RBMS3: variants seen among roughly 807,000 people sequenced by gnomAD.
RBMS3 encodes the protein RNA binding motif single stranded interacting protein 3.
Under a neutral mutation model 66.8 loss-of-function variants are expected in RBMS3, and 27 were observed. The ratio of observed to expected loss-of-function variants is 0.40; its 90% CI spans 0.30 to 0.56. The LOEUF is 0.56. Among genes scored for constraint, RBMS3 ranks in the 20% least tolerant of loss-of-function variants. The probability of loss-of-function intolerance (pLI) is 0.40; values close to 1 mark genes in which losing one functional copy is unlikely to be tolerated. For missense variants in RBMS3, 513 were observed against 549.5 expected (o/e 0.93, Z 0.66); for synonymous variants, 188 against 183.0 (o/e 1.03, Z -0.22).
chr3:29,728,374 C>T (rs1047262201), intron 4 of RBMS3, among the ~76,000 whole-genome samples: 6 of 152,046 alleles, frequency 3.9e-5, no homozygotes, highest in Admixed American at 6.6e-5. Flanking sequence ...AAAATAACAT[C>T]TAAAGAAAAA....
At chr3:29,649,429 C>A (rs1332082790) in intron 4 of RBMS3, among the ~76,000 whole-genome samples, 1 of 152,260 alleles carries the variant, frequency 6.6e-6, no homozygotes, top group Non-Finnish European at 1.5e-5. Context: ...CAAGCATATT[C>A]TTACTTTTTT....
intron 10 of RBMS3, among the ~76,000 whole-genome samples, chr3:29,912,514 A>G (rs1281334342): frequency 6.6e-6 from 1 of 152,084 alleles, no homozygotes; most frequent in East Asian, 1.9e-4. Flanking sequence ...ATAATGTAGT[A>G]TTCTAATTCC....
In RBMS3 at chr3:29,790,626, C is replaced by A. The variant is rs562273278; in HGVS notation, c.637+27637C>A. Among the ~76,000 whole-genome samples the A allele has an allele frequency of 4.6e-5, 7 of 152,252 alleles. No individual in the cohort carries two copies. The South Asian group carries it at 1.5e-3, about 32-fold the overall frequency. Reference sequence around the variant, plus strand: ...ATGACCCAGCCAATACTCCCTCCACCTTTCATTTCTCTGGTATTGTGACTT... The same window carrying A: ...ATGACCCAGCCAATACTCCCTCCACATTTCATTTCTCTGGTATTGTGACTT... On this transcript the variant is annotated intron_variant, in intron 6 of 14. Coordinates refer to ENST00000383767, the MANE Select transcript of RBMS3 (RefSeq NM_001003793.3).
At chr3:29,988,584 G>C (rs1055870207) in intron 13 of RBMS3, among the ~76,000 whole-genome samples, 13 of 151,948 alleles carry the variant, frequency 8.6e-5, no homozygotes, top group Non-Finnish European at 1.9e-4. Flanking sequence ...TCCTCAAAGA[G>C]TGGTTCCTAG....
At chr3:29,818,248 TCTA>T (rs1438303014) in intron 6 of RBMS3, among the ~76,000 whole-genome samples, 1 of 152,112 alleles carries the variant, frequency 6.6e-6, no homozygotes, top group East Asian at 1.9e-4. Context: ...ACTTTTCTCT[TCTA>T]CTGACAGTAT....
chr3:29,442,854 CT>C (rs2125741947), intron 2 of RBMS3, among the ~76,000 whole-genome samples: 1 of 152,092 alleles, frequency 6.6e-6, no homozygotes, highest in South Asian at 2.1e-4. Context: ...TTCCTCTTAC[CT>C]TTTGGAGATT....
intron 1 of RBMS3, among the ~76,000 whole-genome samples, chr3:29,373,229 C>A (rs1239976584): frequency 3.3e-5 from 5 of 152,158 alleles, no homozygotes; most frequent in Non-Finnish European, 5.9e-5. Context: ...ACCCACTGAT[C>A]ATGGGCAATC....
At chr3:29,598,039 G>GT (rs2048017331) in intron 4 of RBMS3, among the ~76,000 whole-genome samples, 2 of 152,010 alleles carry the variant, frequency 1.3e-5, no homozygotes, top group Non-Finnish European at 2.9e-5. Context: ...AATCATCACC[G>GT]TTAAAAAATA....
At chr3:29,595,397 T>TAAAAAAA (rs551487113) in intron 4 of RBMS3, among the ~76,000 whole-genome samples, 1 of 99,904 alleles carries the variant, frequency 1.0e-5, no homozygotes, top group African/African-American at 3.6e-5. Flanking sequence ...AGAGTCAGTC[T>TAAAAAAA]AAAAAAAAAA....
At chr3:29,311,787 TA>T (rs1340700819) in intron 1 of RBMS3, among the ~76,000 whole-genome samples, 1 of 151,684 alleles carries the variant, frequency 6.6e-6, no homozygotes, top group African/African-American at 2.4e-5. Context: ...TTTAGTGACC[TA>T]GGGGTGAAGG....
chr3:29,353,725 A>G (rs2037056808), intron 1 of RBMS3, among the ~76,000 whole-genome samples: 1 of 152,110 alleles, frequency 6.6e-6, no homozygotes. Context: ...TTAAAACAAC[A>G]TAATTAATTA....
intron 4 of RBMS3, among the ~76,000 whole-genome samples, chr3:29,655,985 C>A: frequency 6.6e-6 from 1 of 150,964 alleles, no homozygotes; most frequent in African/African-American, 2.4e-5. Context: ...TAGCAGAAAG[C>A]TTATAGAATA....
intron 1 of RBMS3, among the ~76,000 whole-genome samples, chr3:29,395,128 A>C (rs2039488060): frequency 6.6e-6 from 1 of 152,116 alleles, no homozygotes; most frequent in South Asian, 2.1e-4. Flanking sequence ...TCAAATCCTC[A>C]TTACCACTTT....
chr3:29,487,340 C>T (rs1180152103), intron 2 of RBMS3, among the ~76,000 whole-genome samples: 2 of 151,944 alleles, frequency 1.3e-5, no homozygotes, highest in East Asian at 3.9e-4. Flanking sequence ...AAAAAAGCTT[C>T]GAACAGGTGA....
In RBMS3 at chr3:30,009,971, G is replaced by C. The variant is rs1442330311; in HGVS notation, c.*6109G>C. 2 of 151,300 alleles carry C rather than the reference G, an allele frequency of 1.3e-5. No homozygotes were observed. Among genetic ancestry groups the C allele is most frequent in the East Asian group, 3.9e-4 (2 of 5,174 alleles). The allele number at this position is 151,300 out of a possible 1,614,324, so 9.4% of individuals were successfully genotyped here. On this transcript the variant is annotated 3_prime_UTR_variant, in exon 15 of 15. Coordinates refer to ENST00000383767, the MANE Select transcript of RBMS3 (RefSeq NM_001003793.3). ...ATTTGAAAAAGTTTTCTCTATTCTG[G>C]ACACAAATGCTTCCATTTATTTCAA...
chr3:29,910,992 C>T (rs988514862), intron 10 of RBMS3, among the ~76,000 whole-genome samples: 1 of 151,878 alleles, frequency 6.6e-6, no homozygotes, highest in Non-Finnish European at 1.5e-5. Flanking sequence ...GTTTCCCTCC[C>T]AATAAGACTC....
chr3:29,648,261 C>CTCTTTTTTTTTTTTTTTTTT (rs1576434694), intron 4 of RBMS3, among the ~76,000 whole-genome samples: 1 of 88,146 alleles, frequency 1.1e-5, no homozygotes, highest in South Asian at 4.0e-4. Flanking sequence ...TAGAAAATGT[C>CTCTTTTTTTTTTTTTTTTTT]TATTTTTTTT....
At chr3:29,897,329 C>A in intron 8 of RBMS3, 50 bp from the exon 9 acceptor site, 3 of 1,517,282 alleles carry the variant, frequency 2.0e-6, no homozygotes, top group Non-Finnish European at 2.7e-6. Context: ...TGATTAGAGG[C>A]CAGGCATGTA....
chr3:29,461,594 T>C (rs972193262), intron 2 of RBMS3, among the ~76,000 whole-genome samples: 1 of 152,190 alleles, frequency 6.6e-6, no homozygotes, highest in African/African-American at 2.4e-5. Flanking sequence ...TTGAAATGTG[T>C]CCAAGAGTAG....
Sources: allele counts gnomAD v4.1 joint callset (sites outside exome capture counted in the v4.1 genomes callset), GRCh38; gene constraint gnomAD v4.1.1; transcripts MANE v1.5; gene names NCBI Gene and HGNC (gene_info 2026-07-23, HGNC 2026-07-21).